The following XPO5 variants were observed in gnomAD, a reference collection of about 807,000 sequenced individuals.
XPO5 encodes the protein exportin-5.
A neutral mutation model predicts 160.6 loss-of-function variants in XPO5; 46 were observed. That is an observed-to-expected ratio of 0.29 (90% CI 0.23 to 0.37). XPO5 has a LOEUF of 0.37. Ranked by LOEUF, XPO5 falls within the 10% of genes least tolerant of loss-of-function variation. The probability of loss-of-function intolerance (pLI) is 1.00; values close to 1 mark genes in which losing one functional copy is unlikely to be tolerated. For missense variants in XPO5, 1,090 were observed against 1,463.9 expected (o/e 0.74, Z 4.17); for synonymous variants, 537 against 519.3 (o/e 1.03, Z -0.46).
chr6:43,570,804 T>C (rs1762973179), intron 4 of XPO5, 53 bp downstream of exon 4: 2 of 1,553,502 alleles, frequency 1.3e-6, no homozygotes, highest in Non-Finnish European at 1.7e-6. Context: ...CAACAAACCC[T>C]GAAGTTTGTT....
intron 20 of XPO5, among the ~76,000 whole-genome samples, chr6:43,545,703 G>A (rs1461279921): frequency 2.0e-5 from 3 of 146,986 alleles, no homozygotes; most frequent in Non-Finnish European, 2.9e-5. Context: ...GTGAGACTCT[G>A]TCTCAAAAAA....
chr6:43,571,482 CAT>C (rs1187868415), intron 3 of XPO5, among the ~76,000 whole-genome samples: 3 of 152,116 alleles, frequency 2.0e-5, no homozygotes, highest in Admixed American at 6.6e-5. Context: ...CAATTTTGAA[CAT>C]GTTTAAAGTC....
chr6:43,544,688 G>A (rs1161014434), intron 20 of XPO5, among the ~76,000 whole-genome samples: 1 of 152,078 alleles, frequency 6.6e-6, no homozygotes, highest in East Asian at 1.9e-4. Flanking sequence ...CACTTTGGGA[G>A]ACTGAAGCAG....
chr6:43,539,993 G>A (rs940477749), intron 20 of XPO5, among the ~76,000 whole-genome samples: 10 of 152,194 alleles, frequency 6.6e-5, no homozygotes, highest in African/African-American at 2.4e-4. Context: ...AGTGGCTCAC[G>A]CCTATAATCC....
chr6:43,572,395 G>C (rs1763055767), intron 3 of XPO5, 111 bp downstream of exon 3: 2 of 1,031,016 alleles, frequency 1.9e-6, no homozygotes, highest in Non-Finnish European at 3.0e-6. Context: ...GATTTCTTGT[G>C]CTGTCTGACC....
intron 8 of XPO5, among the ~76,000 whole-genome samples, chr6:43,564,373 T>G (rs1582241694): frequency 6.6e-6 from 1 of 152,176 alleles, no homozygotes; most frequent in East Asian, 1.9e-4. Context: ...CTACTAAAAA[T>G]ACAAAATTAG....
intron 1 of XPO5, among the ~76,000 whole-genome samples, chr6:43,574,338 T>C (rs1044097648): frequency 3.3e-5 from 5 of 151,892 alleles, no homozygotes; most frequent in African/African-American, 9.7e-5. Flanking sequence ...ATGTTTAAAG[T>C]TGCAAAACCT....
chr6:43,547,515 T>C (rs1795016673), intron 19 of XPO5, 93 bp downstream of exon 19: 21 of 1,165,728 alleles, frequency 1.8e-5, no homozygotes, highest in East Asian at 2.4e-5. Flanking sequence ...CTCACCAGTA[T>C]AGAAAAAACA....
At chr6:43,526,585 G>T in intron 27 of XPO5, 100 bp downstream of exon 27, 1 of 1,333,144 alleles carries the variant, frequency 7.5e-7, no homozygotes, top group Non-Finnish European at 1.1e-6. Flanking sequence ...CATGTAGGGT[G>T]TCTTCTCCTC....
chr6:43,573,883 G>C (rs1763148788), intron 1 of XPO5, among the ~76,000 whole-genome samples: 1 of 148,884 alleles, frequency 6.7e-6, no homozygotes, highest in South Asian at 2.1e-4. Context: ...GAATGCAATG[G>C]CATGATCTCG....
At chr6:43,528,090 G>A (rs1240968341) in intron 25 of XPO5, 69 bp downstream of exon 25, 7 of 1,470,960 alleles carry the variant, frequency 4.8e-6, no homozygotes, top group South Asian at 1.2e-5. Flanking sequence ...ATCCCTGCCC[G>A]CTTCCTTTTC....
Position 43,524,512 on chromosome 6 carries a change from G to T in XPO5, c.3436C>A (p.Arg1146=). 6.2e-7 allele frequency: 1 copy of T among 1,613,824 alleles called. No individual in the cohort carries two copies. Among genetic ancestry groups the T allele is most frequent in the Non-Finnish European group, 8.5e-7 (1 of 1,179,882 alleles). The part of the protein sequence containing the change: ...PSLQKVADKR[R]KDQFKRLIAG... ...ATGAGGCGTTTGAATTGGTCCTTTCGGCGCTTGTCAGCCACTTTCTGCAGG... is the reference window on the plus strand; with the variant it reads ...ATGAGGCGTTTGAATTGGTCCTTTCTGCGCTTGTCAGCCACTTTCTGCAGG... Residue 1146 remains arginine, a synonymous_variant, in exon 31 of 32, where the codon CGA becomes AGA. Transcript: ENST00000265351.
At chr6:43,551,122 T>G in intron 15 of XPO5, 176 bp downstream of exon 15, 1 of 517,216 alleles carries the variant, frequency 1.9e-6, no homozygotes, top group Non-Finnish European at 3.2e-6. Context: ...CAGGCATGGT[T>G]GTGCATGCTT....
chr6:43,566,028 A>G (rs796551621), intron 7 of XPO5, among the ~76,000 whole-genome samples: 1 of 152,124 alleles, frequency 6.6e-6, no homozygotes, highest in African/African-American at 2.4e-5. Flanking sequence ...AGGACGAGGC[A>G]GGCGGAACAA....
intron 12 of XPO5, 94 bp from the exon 13 acceptor site, chr6:43,556,058 G>A: frequency 6.7e-7 from 1 of 1,499,932 alleles, no homozygotes; most frequent in Non-Finnish European, 9.0e-7. Flanking sequence ...TAGGGGAAAA[G>A]CATTCAAAGG....
intron 21 of XPO5, among the ~76,000 whole-genome samples, chr6:43,531,791 T>A (rs1396293123): frequency 6.6e-6 from 1 of 151,474 alleles, no homozygotes; most frequent in Non-Finnish European, 1.5e-5. Flanking sequence ...GGTACTCTTT[T>A]ATCTGCTTTT....
At chr6:43,549,638 T>C in intron 16 of XPO5, 60 bp from the exon 17 acceptor site, 2 of 1,557,480 alleles carry the variant, frequency 1.3e-6, no homozygotes, top group Middle Eastern at 1.9e-4. Context: ...AGGTGCTGCA[T>C]AGACTCATGT....
At position 43,562,248 on chromosome 6, in the gene XPO5, A is replaced by G. The variant is rs1274258155; in HGVS notation, c.1010T>C (p.Leu337Pro). Residue 337 changes from leucine (L) to proline (P), a missense_variant and splice_region_variant, in exon 9 of 32, where the codon CTG (leucine) becomes CCG (proline). By Grantham distance (98) the Leu-to-Pro change is moderately conservative. Coordinates refer to ENST00000265351, the MANE Select transcript of XPO5 (RefSeq NM_020750.3). ...TCCAGAAAGCAAACACTAGCTCACC[A>G]GCAATGCACACAGCTGATTGCCCAG... is the stretch of plus-strand genomic sequence containing the variant. ...CALGNQLCAL[L>P]GADSDVETPS... 1 of 1,603,664 alleles carries G rather than the reference A, an allele frequency of 6.2e-7. No homozygotes were observed. Among genetic ancestry groups the G allele is most frequent in the Non-Finnish European group, 8.5e-7 (1 of 1,175,214 alleles).
At position 43,555,826 on chromosome 6, in the gene XPO5, A is replaced by G; in HGVS notation, c.1441+10T>C. On this transcript the variant is annotated intron_variant, in intron 13 of 31. Transcript: ENST00000265351. ...CATTTCACTAACATTCAGTAATGAAAAAAACTTACAATTCACAGAACCAGC... is the reference window on the plus strand; with the variant it reads ...CATTTCACTAACATTCAGTAATGAAGAAAACTTACAATTCACAGAACCAGC... 6.2e-7 allele frequency: 1 copy of G among 1,613,826 alleles called. No homozygotes were observed. Among genetic ancestry groups the G allele is most frequent in the Non-Finnish European group, 8.5e-7 (1 of 1,179,812 alleles).
Sources: allele counts gnomAD v4.1 joint callset (sites outside exome capture counted in the v4.1 genomes callset), GRCh38; gene constraint gnomAD v4.1.1; transcripts MANE v1.5; gene names NCBI Gene and HGNC (gene_info 2026-07-23, HGNC 2026-07-21).